Variants in NAALADL2 observed in about 807,000 individuals in gnomAD.
NAALADL2 encodes N-acetylated alpha-linked acidic dipeptidase like 2.
In NAALADL2, 76 loss-of-function variants were observed where a neutral mutation model predicts 87.2. The observed-to-expected ratio is 0.87, with a 90% CI of 0.72 to 1.05. NAALADL2 has a LOEUF of 1.05. NAALADL2 is among the 50% of genes least tolerant of loss of function. The pLI is 0.00. For synonymous variants in NAALADL2, 354 were observed against 331.0 expected, an observed-to-expected ratio of 1.07 and a Z score of -0.75; for missense variants, 1,089 against 945.8, an observed-to-expected ratio of 1.15 and a Z score of -1.99.
rs949644809 is a variant in NAALADL2 at position 175,633,822 on chromosome 3, C to A, written c.1896+6436C>A. The stretch of plus-strand genomic sequence containing the variant: ...TTCAAAAGATCCTGTTTACGTATTA[C>A]AAAAACAGGAAGAGATGGATATACG... On this transcript the variant is annotated intron_variant, in intron 11 of 13. Transcript: ENST00000454872. 4.6e-5 allele frequency among the ~76,000 whole-genome samples: 7 copies of A among 151,496 alleles called. No individual in the cohort carries two copies. The Middle Eastern group carries it at 0.01, about 222-fold the overall frequency.
At chr3:175,542,585 C>T (rs1226380629) in intron 9 of NAALADL2, among the ~76,000 whole-genome samples, 1 of 152,128 alleles carries the variant, frequency 6.6e-6, no homozygotes, top group African/African-American at 2.4e-5. Context: ...GTCTCAAACT[C>T]CTGACCTCAA....
At chr3:175,099,079 C>T (rs1278366328) in intron 2 of NAALADL2, among the ~76,000 whole-genome samples, 1 of 151,814 alleles carries the variant, frequency 6.6e-6, no homozygotes, top group Non-Finnish European at 1.5e-5. Context: ...ATTTATTTTC[C>T]CTCCTTATAT....
At chr3:174,929,457 A>G (rs1736550575) in intron 1 of NAALADL2, among the ~76,000 whole-genome samples, 1 of 152,192 alleles carries the variant, frequency 6.6e-6, no homozygotes, top group African/African-American at 2.4e-5. Context: ...AATTATGCTT[A>G]TAGAATTGTG....
intron 9 of NAALADL2, among the ~76,000 whole-genome samples, chr3:175,498,138 A>G (rs1340856421): frequency 6.6e-6 from 1 of 152,154 alleles, no homozygotes; most frequent in Non-Finnish European, 1.5e-5. Context: ...CAGATAGCAC[A>G]GTCAGAAAGG....
intron 11 of NAALADL2, among the ~76,000 whole-genome samples, chr3:175,702,642 A>G (rs79721409): frequency 1.8e-4 from 28 of 152,304 alleles, no homozygotes; most frequent in African/African-American, 6.7e-4. Context: ...ATCCCATGCC[A>G]GATCCTGATG....
At chr3:175,498,383 A>T (rs1729106379) in intron 9 of NAALADL2, among the ~76,000 whole-genome samples, 2 of 152,048 alleles carry the variant, frequency 1.3e-5, no homozygotes, top group Non-Finnish European at 2.9e-5. Context: ...TAAAATATGG[A>T]GCCTTAATCC....
intron 2 of NAALADL2, among the ~76,000 whole-genome samples, chr3:175,224,020 T>G (rs1542486): frequency 0.88 from 133,257 of 152,116 alleles, 58,556 homozygotes; most frequent in Middle Eastern, 0.94. Context: ...GAAACTAAGG[T>G]TTAAGTTTTG....
At chr3:174,540,172 TTA>T (rs1560041594) in intron 1 of NAALADL2, among the ~76,000 whole-genome samples, 1 of 151,902 alleles carries the variant, frequency 6.6e-6, no homozygotes, top group Non-Finnish European at 1.5e-5. Context: ...AAAATAGAAT[TTA>T]TTCTAGTAAG....
rs181211238 is a variant in NAALADL2, at chr3:174,578,296, C to T, written c.-115+27659C>T. 8.4e-4 allele frequency among the ~76,000 whole-genome samples: 128 copies of T among 151,620 alleles called. 2 individuals carry two copies. The Middle Eastern group carries it at 0.034, about 40-fold the overall frequency. On this transcript the variant is annotated intron_variant, in intron 2 of 3. Coordinates refer to the NAALADL2 transcript ENST00000434257. Reference sequence around the variant, plus strand: ...CCACAAATTTTAGGAAAACAAAACACGATAAATATAAAGAATACCATACCT... The same window carrying T: ...CCACAAATTTTAGGAAAACAAAACATGATAAATATAAAGAATACCATACCT...
At chr3:174,614,714 T>C (rs1720279055) in intron 2 of NAALADL2, among the ~76,000 whole-genome samples, 1 of 152,228 alleles carries the variant, frequency 6.6e-6, no homozygotes, top group Admixed American at 6.5e-5. Context: ...AAATTTTTTC[T>C]GTAGATATTT....
chr3:175,460,141 C>T (rs747786738), intron 6 of NAALADL2: 32 of 456,242 alleles, frequency 7.0e-5, no homozygotes, highest in African/African-American at 2.8e-4. Context: ...GCCTTACCAA[C>T]GGATTGTTCA....
intron 5 of NAALADL2, among the ~76,000 whole-genome samples, chr3:175,334,194 TG>T (rs1761732097): frequency 6.6e-6 from 1 of 152,172 alleles, no homozygotes; most frequent in Non-Finnish European, 1.5e-5. Context: ...TATTGACTAT[TG>T]TTGCGTGTTT....
At chr3:174,653,022 C>G (rs1428485966) in intron 2 of NAALADL2, among the ~76,000 whole-genome samples, 2 of 152,156 alleles carry the variant, frequency 1.3e-5, no homozygotes, top group Non-Finnish European at 2.9e-5. Flanking sequence ...ACACTACACA[C>G]TAACTGTAAT....
intron 1 of NAALADL2, among the ~76,000 whole-genome samples, chr3:174,442,272 A>G (rs1175148336): frequency 1.3e-5 from 2 of 152,136 alleles, no homozygotes; most frequent in African/African-American, 4.8e-5. Context: ...GTTGGGTTTA[A>G]AACTGGATTC....
At chr3:175,738,191 T>C (rs938392150) in intron 12 of NAALADL2, among the ~76,000 whole-genome samples, 2 of 152,212 alleles carry the variant, frequency 1.3e-5, no homozygotes, top group African/African-American at 4.8e-5. Flanking sequence ...CAGTAATCCT[T>C]TGAAAATGGA....
At chr3:174,666,675 A>G (rs990379333) in intron 2 of NAALADL2, among the ~76,000 whole-genome samples, 1 of 152,190 alleles carries the variant, frequency 6.6e-6, no homozygotes, top group Non-Finnish European at 1.5e-5. Flanking sequence ...CCATTTTTAA[A>G]TACTTTTTTA....
chr3:175,474,424 G>A (rs1725347493), intron 9 of NAALADL2, among the ~76,000 whole-genome samples: 1 of 152,080 alleles, frequency 6.6e-6, no homozygotes, highest in South Asian at 2.1e-4. Flanking sequence ...CCAGTTTTAA[G>A]TACATTTATA....
chr3:175,341,914 T>G (rs1010167009), intron 5 of NAALADL2, among the ~76,000 whole-genome samples: 1 of 152,102 alleles, frequency 6.6e-6, no homozygotes, highest in Non-Finnish European at 1.5e-5. Context: ...CAGTACTGTT[T>G]GTTGAAAGAT....
intron 3 of NAALADL2, among the ~76,000 whole-genome samples, chr3:175,246,935 C>T (rs1263360414): frequency 6.6e-6 from 1 of 152,084 alleles, no homozygotes; most frequent in Non-Finnish European, 1.5e-5. Context: ...TTTGCCTTTG[C>T]CAGCAGTCTT....
Sources: gnomAD v4.1 joint callset for allele counts (sites outside exome capture counted in the v4.1 genomes callset) on GRCh38, gnomAD v4.1.1 for gene constraint, MANE v1.5 for transcripts, NCBI Gene and HGNC (gene_info 2026-07-23, HGNC 2026-07-21) for gene names.